Variants in RNF24 observed in about 807,000 individuals in gnomAD.
RNF24 encodes ring finger protein 24.
Under a neutral mutation model 20.0 loss-of-function variants are expected in RNF24, and 14 were observed. The observed-to-expected ratio is 0.70, with a 90% CI of 0.46 to 1.10. The LOEUF is 1.10. Ranked by LOEUF, RNF24 falls within the 50% of genes least tolerant of loss-of-function variation. The pLI is 0.00. For synonymous variants in RNF24, 45 were observed against 61.1 expected (o/e 0.74, Z 1.23); for missense variants, 124 against 177.6 (o/e 0.70, Z 1.71).
At chr20:4,000,647 C>CCA (rs1384609635) in intron 1 of RNF24, among the ~76,000 whole-genome samples, 3 of 152,304 alleles carry the variant, frequency 2.0e-5, no homozygotes, top group Admixed American at 6.5e-5. Flanking sequence ...TTCTGACCAG[C>CCA]CACAGTTCAG....
intron 1 of RNF24, among the ~76,000 whole-genome samples, chr20:3,981,954 C>T (rs543775908): frequency 4.0e-4 from 60 of 151,660 alleles, no homozygotes; most frequent in Middle Eastern, 6.8e-3. Flanking sequence ...CCCGTCTCTA[C>T]GAAAAATATA....
intron 4 of RNF24, among the ~76,000 whole-genome samples, chr20:3,941,782 T>G (rs141756610): frequency 1.3e-3 from 190 of 151,946 alleles, no homozygotes; most frequent in African/African-American, 4.3e-3. Flanking sequence ...AGATTGAAAA[T>G]AAAAAGATGA....
chr20:3,991,798 TTATA>T (rs1600702329), intron 1 of RNF24, among the ~76,000 whole-genome samples: 1 of 152,150 alleles, frequency 6.6e-6, no homozygotes, highest in Non-Finnish European at 1.5e-5. Context: ...ACATTTATAA[TTATA>T]TATAAATTGT....
Position 3,995,593 on chromosome 20 carries a change from G to A in RNF24, c.-8+19844C>T, listed in dbSNP as rs909104834. ...TCAAATGGTTATGAATCAGCAAAGT[G>A]TGCAGGCTGCCTGGTAGTTTGACAC... is the stretch of plus-strand genomic sequence containing the variant. On this transcript the variant is annotated intron_variant, in intron 1 of 5. Transcript: ENST00000358395. Among the ~76,000 whole-genome samples the A allele has an allele frequency of 3.3e-5, 5 of 152,202 alleles. No homozygotes were observed. In the East Asian group the frequency reaches 9.6e-4, roughly 29 times the overall value.
intron 1 of RNF24, among the ~76,000 whole-genome samples, chr20:3,970,691 A>G (rs1978318767): frequency 6.6e-6 from 1 of 152,192 alleles, no homozygotes; most frequent in Non-Finnish European, 1.5e-5. Context: ...AATAATTGAA[A>G]TAAAAAAACT....
chr20:3,987,988 T>TCAG lies in RNF24; in HGVS notation c.-7-23967_-7-23965dup, dbSNP rs565121642. 7.1e-3 allele frequency among the ~76,000 whole-genome samples: 1,082 copies of TCAG among 152,170 alleles called. 13 individuals carry two copies. Among genetic ancestry groups the TCAG allele is most frequent in the African/African-American group, 0.024 (1,009 of 41,496 alleles). On this transcript the variant is annotated intron_variant, in intron 1 of 5. Transcript: ENST00000358395. ...ATCACATATGTAAGCATCTTCACCT[T>TCAG]CAGCAGCAGCAGCAGCTTAAAATAA...
Position 3,928,998 on chromosome 20 carries a change from G to A in RNF24, c.*5065C>T, listed in dbSNP as rs565892265. Reference sequence around the variant, plus strand: ...TGAGTGGCTGGGATTACAGGCATGCGTCACCACACCCGGCAAATTTTTGTA... The same window carrying A: ...TGAGTGGCTGGGATTACAGGCATGCATCACCACACCCGGCAAATTTTTGTA... On this transcript the variant is annotated 3_prime_UTR_variant, in exon 6 of 6. Transcript: ENST00000358395. 3 of 151,886 alleles carry A rather than the reference G, an allele frequency of 2.0e-5. No homozygotes were observed. Among genetic ancestry groups the A allele is most frequent in the South Asian group, 2.1e-4 (1 of 4,808 alleles). The allele number at this position is 151,886 out of a possible 1,614,324, so 9.4% of individuals were successfully genotyped here. A position where few individuals can be genotyped will look rare whatever the true frequency, so the allele number is the denominator to read the frequency against.
chr20:3,933,946 G>T lies in RNF24; in HGVS notation c.*117C>A. The T allele has an allele frequency of 9.2e-7, 1 of 1,086,190 alleles. No homozygotes were observed. The highest frequency in any genetic ancestry group is 1.2e-6 in the Non-Finnish European group (1 of 813,492). 67.3% of individuals were successfully genotyped at this position (1,086,190 alleles called of 1,614,324 possible). A position where few individuals can be genotyped will look rare whatever the true frequency, so the allele number is the denominator to read the frequency against. On this transcript the variant is annotated 3_prime_UTR_variant, in exon 6 of 6. Transcript: ENST00000358395. ...TGGCTGGCCCAAGAGTTCTTCATGA[G>T]GCAAAAGAAGTGGCAGCTGGTGTCC...
At chr20:3,977,825 C>G (rs1375981641) in intron 1 of RNF24, among the ~76,000 whole-genome samples, 1 of 147,160 alleles carries the variant, frequency 6.8e-6, no homozygotes, top group Non-Finnish European at 1.5e-5. Flanking sequence ...GATTGCGCCA[C>G]TGCACTCCAG....
chr20:3,962,601 T>C (rs1055588872), intron 2 of RNF24, among the ~76,000 whole-genome samples: 3 of 152,154 alleles, frequency 2.0e-5, no homozygotes, highest in African/African-American at 4.8e-5. Context: ...AGTACTTTTT[T>C]TGGGACTTCT....
chr20:4,010,090 C>T (rs1420437692), intron 1 of RNF24, among the ~76,000 whole-genome samples: 3 of 127,988 alleles, frequency 2.3e-5, no homozygotes, highest in Admixed American at 7.9e-5. Flanking sequence ...AACAAACAAA[C>T]AAGGCCAGAT....
Position 3,931,030 on chromosome 20 carries a change from C to G in RNF24, c.*3033G>C, listed in dbSNP as rs1195521558. The G allele has an allele frequency of 6.6e-6, 1 of 152,258 alleles. No individual in the cohort carries two copies. The highest frequency in any genetic ancestry group is 1.5e-5 in the Non-Finnish European group (1 of 68,088). 9.4% of individuals were successfully genotyped at this position (152,258 alleles called of 1,614,324 possible). A position where few individuals can be genotyped will look rare whatever the true frequency, so the allele number is the denominator to read the frequency against. On this transcript the variant is annotated 3_prime_UTR_variant, in exon 6 of 6. Transcript: ENST00000358395. ...AAAGAAAAGCAGCAGATGTCAACTT[C>G]CTAGTGTCTGATACTGACCCAACCA...
At chr20:3,956,478 G>A (rs999575324) in intron 2 of RNF24, among the ~76,000 whole-genome samples, 64 of 151,524 alleles carry the variant, frequency 4.2e-4, no homozygotes, top group African/African-American at 1.5e-3. Context: ...ATTTTATAAT[G>A]TATATTTTCT....
chr20:3,964,029 G>C lies in RNF24; in HGVS notation c.-7-5C>G. ...AAATCCGAGCTCATGGATGAACTGT[G>C]GGGGAAGAAAAGAATGGAAAAAAAA... On this transcript the variant is annotated splice_region_variant and splice_polypyrimidine_tract_variant and intron_variant, in intron 1 of 5. Coordinates refer to ENST00000358395, the MANE Select transcript of RNF24 (RefSeq NM_001134337.3). 1 of 1,609,708 alleles carries C rather than the reference G, an allele frequency of 6.2e-7. No homozygotes were observed. The highest frequency in any genetic ancestry group is 8.5e-7 in the Non-Finnish European group (1 of 1,178,570).
At chr20:3,998,782 T>A (rs140281228) in intron 1 of RNF24, among the ~76,000 whole-genome samples, 7 of 105,744 alleles carry the variant, frequency 6.6e-5, no homozygotes, top group South Asian at 3.0e-4. Context: ...TTAAAAAAAA[T>A]AAATAATGTA....
chr20:3,975,312 A>G (rs547697508), intron 1 of RNF24, among the ~76,000 whole-genome samples: 1 of 152,278 alleles, frequency 6.6e-6, no homozygotes, highest in East Asian at 1.9e-4. Context: ...GTTACAAAAA[A>G]CCTAAGAGAA....
In RNF24 at chr20:3,929,809, G is replaced by A. The variant is rs1056162143; in HGVS notation, c.*4254C>T. ...GATTAGCTGGGCATTTGGGGTAAGG[G>A]AGGGACTGCAGATTCTGATTTGTAC... On this transcript the variant is annotated 3_prime_UTR_variant, in exon 6 of 6. Coordinates refer to ENST00000358395, the MANE Select transcript of RNF24 (RefSeq NM_001134337.3). The A allele has an allele frequency of 1.3e-5, 2 of 152,272 alleles. No individual in the cohort carries two copies. The highest frequency in any genetic ancestry group is 2.9e-5 in the Non-Finnish European group (2 of 68,050). The allele number at this position is 152,272 out of a possible 1,614,324, so 9.4% of individuals were successfully genotyped here.
chr20:3,950,723 T>C (rs1600644014), intron 2 of RNF24, among the ~76,000 whole-genome samples: 1 of 152,238 alleles, frequency 6.6e-6, no homozygotes, highest in South Asian at 2.1e-4. Flanking sequence ...TTCACATTTA[T>C]ATAACCATAG....
At chr20:3,975,737 GAC>G (rs1223766487) in intron 1 of RNF24, among the ~76,000 whole-genome samples, 1 of 152,132 alleles carries the variant, frequency 6.6e-6, no homozygotes, top group Non-Finnish European at 1.5e-5. Flanking sequence ...GAGGAAAAGA[GAC>G]ACACAGAGAG....
Sources: allele counts gnomAD v4.1 joint callset (sites outside exome capture counted in the v4.1 genomes callset), GRCh38; gene constraint gnomAD v4.1.1; transcripts MANE v1.5; gene names NCBI Gene and HGNC (gene_info 2026-07-23, HGNC 2026-07-21).